Variants in FAM184B observed in about 807,000 individuals in gnomAD.
FAM184B encodes the protein family with sequence similarity 184 member B.
Under a neutral mutation model 135.9 loss-of-function variants are expected in FAM184B, and 111 were observed. The ratio of observed to expected loss-of-function variants is 0.82; its 90% CI spans 0.70 to 0.96. The LOEUF (loss-of-function observed/expected upper bound fraction) is 0.96. Among genes scored for constraint, FAM184B ranks in the 40% least tolerant of loss-of-function variants. The pLI is 0.00. For synonymous variants in FAM184B, 552 were observed against 524.8 expected (o/e 1.05, Z -0.71); for missense variants, 1,375 against 1,323.9 (o/e 1.04, Z -0.60).
At chr4:17,689,197 G>A (rs1716666049) in intron 6 of FAM184B, among the ~76,000 whole-genome samples, 1 of 152,124 alleles carries the variant, frequency 6.6e-6, no homozygotes, top group African/African-American at 2.4e-5. Context: ...TAAAGAAAAT[G>A]AACAACATTT....
intron 1 of FAM184B, among the ~76,000 whole-genome samples, chr4:17,761,203 T>C (rs1385327239): frequency 1.3e-5 from 2 of 150,958 alleles, no homozygotes; most frequent in Non-Finnish European, 2.9e-5. Flanking sequence ...ACAAAGGGAG[T>C]CCCCTCACAT....
intron 7 of FAM184B, among the ~76,000 whole-genome samples, chr4:17,669,222 A>G (rs150345825): frequency 6.6e-6 from 1 of 152,282 alleles, no homozygotes; most frequent in African/African-American, 2.4e-5. Flanking sequence ...CTACATGTGA[A>G]CCAGAGGCTA....
intron 12 of FAM184B, among the ~76,000 whole-genome samples, chr4:17,643,520 A>G (rs547081941): frequency 2.2e-4 from 33 of 151,604 alleles, no homozygotes; most frequent in Non-Finnish European, 4.1e-4. Context: ...GACTCCCTCC[A>G]TGGCCCAGTC....
chr4:17,720,358 T>G (rs906785716), intron 1 of FAM184B, among the ~76,000 whole-genome samples: 2 of 152,136 alleles, frequency 1.3e-5, no homozygotes, highest in African/African-American at 4.8e-5. Context: ...ATTGCTAACG[T>G]CAAAAATTTT....
chr4:17,726,797 C>G (rs1000667539), intron 1 of FAM184B, among the ~76,000 whole-genome samples: 2 of 152,190 alleles, frequency 1.3e-5, no homozygotes, highest in Non-Finnish European at 2.9e-5. Flanking sequence ...ATTTTCCCAG[C>G]TCAGCCTGCC....
At chr4:17,682,545 C>G (rs1018415299) in intron 7 of FAM184B, among the ~76,000 whole-genome samples, 9 of 152,128 alleles carry the variant, frequency 5.9e-5, no homozygotes, top group African/African-American at 2.2e-4. Context: ...GTTCCCCAGG[C>G]TGGAGTACAG....
chr4:17,776,224 TATC>T (rs1248444790), intron 1 of FAM184B, among the ~76,000 whole-genome samples: 1 of 152,102 alleles, frequency 6.6e-6, no homozygotes, highest in Non-Finnish European at 1.5e-5. Flanking sequence ...TCAACTATAA[TATC>T]ATAGGGATAA....
intron 7 of FAM184B, among the ~76,000 whole-genome samples, chr4:17,675,147 C>A (rs759544240): frequency 1.3e-5 from 2 of 152,160 alleles, no homozygotes; most frequent in South Asian, 2.1e-4. Flanking sequence ...AAATGTATTT[C>A]TTTTCTTTTC....
At chr4:17,744,490 C>CCA (rs1553841921) in intron 1 of FAM184B, among the ~76,000 whole-genome samples, 400 of 137,456 alleles carry the variant, frequency 2.9e-3, no homozygotes, top group African/African-American at 0.01. Context: ...CACACACACA[C>CCA]CACACACACA....
intron 1 of FAM184B, among the ~76,000 whole-genome samples, chr4:17,722,681 C>T (rs761243845): frequency 3.9e-5 from 6 of 152,184 alleles, no homozygotes; most frequent in African/African-American, 1.4e-4. Context: ...AACCCTCACA[C>T]AGAACACAGG....
At chr4:17,713,711 GT>G (rs1470214729) in intron 1 of FAM184B, among the ~76,000 whole-genome samples, 2 of 152,128 alleles carry the variant, frequency 1.3e-5, no homozygotes, top group Non-Finnish European at 2.9e-5. Flanking sequence ...TGAAGCACAC[GT>G]TCTACACATG....
At chr4:17,704,976 A>T in intron 5 of FAM184B, 24 bp downstream of exon 5, 1 of 1,540,684 alleles carries the variant, frequency 6.5e-7, no homozygotes, top group Non-Finnish European at 8.8e-7. Flanking sequence ...GAACCAGAAC[A>T]GTCTCTATGG....
intron 1 of FAM184B, among the ~76,000 whole-genome samples, chr4:17,747,975 G>A (rs1466385972): frequency 1.4e-5 from 2 of 143,136 alleles, no homozygotes; most frequent in South Asian, 2.3e-4. Flanking sequence ...GCATGGTGGC[G>A]CATGCCTGTA....
intron 1 of FAM184B, among the ~76,000 whole-genome samples, chr4:17,722,358 G>A (rs1717549259): frequency 1.3e-5 from 2 of 152,214 alleles, no homozygotes; most frequent in African/African-American, 4.8e-5. Flanking sequence ...CAGAGGTTGT[G>A]TGGTTACTGT....
chr4:17,746,731 C>CA (rs575639086), intron 1 of FAM184B, among the ~76,000 whole-genome samples: 6,575 of 110,168 alleles, frequency 0.06, 503 homozygotes, highest in African/African-American at 0.19. Flanking sequence ...GACACGGTCT[C>CA]AAAAAAAAAA....
chr4:17,636,140 C>T (rs76036537), intron 15 of FAM184B, among the ~76,000 whole-genome samples: 2,149 of 152,226 alleles, frequency 0.014, 21 homozygotes, highest in Middle Eastern at 0.024. Context: ...CAGTCTTGCT[C>T]TGTCGCCCAG....
intron 7 of FAM184B, among the ~76,000 whole-genome samples, chr4:17,673,677 C>T (rs1270188133): frequency 6.6e-6 from 1 of 152,090 alleles, no homozygotes; most frequent in African/African-American, 2.4e-5. Context: ...GAAAACCAAA[C>T]ATCATATGTT....
At chr4:17,772,945 C>G (rs1301945518) in intron 1 of FAM184B, among the ~76,000 whole-genome samples, 8 of 152,196 alleles carry the variant, frequency 5.3e-5, no homozygotes, top group Non-Finnish European at 1.2e-4. Flanking sequence ...GGCCCAGTCC[C>G]TGCTCCAAAC....
chr4:17,761,426 C>T (rs1480675172), intron 1 of FAM184B, among the ~76,000 whole-genome samples: 1 of 152,228 alleles, frequency 6.6e-6, no homozygotes, highest in Admixed American at 6.5e-5. Context: ...AAGCTATCCA[C>T]TCTGTGGCAT....
Sources: gnomAD v4.1 joint callset for allele counts (sites outside exome capture counted in the v4.1 genomes callset) on GRCh38, gnomAD v4.1.1 for gene constraint, MANE v1.5 for transcripts, NCBI Gene and HGNC (gene_info 2026-07-23, HGNC 2026-07-21) for gene names.